The following WDR27 variants were observed in gnomAD, a reference collection of about 807,000 sequenced individuals.
The protein encoded by WDR27 is WD repeat-containing protein 27.
Under a neutral mutation model 114.4 loss-of-function variants are expected in WDR27, and 100 were observed. The ratio of observed to expected loss-of-function variants is 0.87; its 90% CI spans 0.74 to 1.03. WDR27 has a LOEUF of 1.03. WDR27 is among the 50% of genes least tolerant of loss of function. The pLI, the probability that WDR27 is intolerant of heterozygous loss-of-function variation, is 0.00. For missense variants in WDR27, 1,129 were observed against 1,092.9 expected, an observed-to-expected ratio of 1.03 and a Z score of -0.47; for synonymous variants, 449 against 423.1, an observed-to-expected ratio of 1.06 and a Z score of -0.75.
intron 25 of WDR27, among the ~76,000 whole-genome samples, chr6:169,460,867 A>G (rs1234403808): frequency 6.6e-6 from 1 of 152,198 alleles, no homozygotes; most frequent in Non-Finnish European, 1.5e-5. Flanking sequence ...AAATCCACAT[A>G]CAAGCAGACC....
At chr6:169,427,838 C>T in the WDR27 span, among the ~76,000 whole-genome samples, 1 of 149,478 alleles carries the variant, frequency 6.7e-6, no homozygotes, top group Non-Finnish European at 1.5e-5. Context: ...CATTTCCAGG[C>T]GAATTCCCTG....
intron 25 of WDR27, among the ~76,000 whole-genome samples, chr6:169,523,939 CA>C (rs1794680063): frequency 6.6e-6 from 1 of 151,998 alleles, no homozygotes; most frequent in Admixed American, 6.6e-5. Context: ...AAGCCCTGGC[CA>C]GAGCAATTAG....
chr6:169,563,124 C>T (rs2128117226), intron 25 of WDR27, among the ~76,000 whole-genome samples: 1 of 152,206 alleles, frequency 6.6e-6, no homozygotes, highest in Middle Eastern at 3.4e-3. Context: ...GACAGCGGAC[C>T]CCAGAGAAAC....
chr6:169,468,179 A>C (rs1785858294), intron 25 of WDR27, among the ~76,000 whole-genome samples: 1 of 152,206 alleles, frequency 6.6e-6, no homozygotes, highest in Non-Finnish European at 1.5e-5. Context: ...TTCATTGTCC[A>C]TCATTGTCCA....
intron 25 of WDR27, among the ~76,000 whole-genome samples, chr6:169,516,041 C>G (rs1793589408): frequency 6.6e-6 from 1 of 151,978 alleles, no homozygotes; most frequent in South Asian, 2.1e-4. Flanking sequence ...ACAAAAATAG[C>G]TAAGAGGAGA....
chr6:169,537,175 C>T lies in WDR27; in HGVS notation c.2645+35244G>A, dbSNP rs150402763. 3.2e-4 allele frequency among the ~76,000 whole-genome samples: 49 copies of T among 152,236 alleles called. No homozygotes were observed. In the East Asian group the frequency reaches 9.5e-3, roughly 29 times the overall value. On this transcript the variant is annotated intron_variant, in intron 25 of 25. Transcript: ENST00000448612. Reference sequence around the variant, plus strand: ...TTCCTAGTGGTTGAGAGGGAGGAATCGCAGGCCAGCTGCCTCCCAGACATT... The same window carrying T: ...TTCCTAGTGGTTGAGAGGGAGGAATTGCAGGCCAGCTGCCTCCCAGACATT...
chr6:169,659,321 CCT>C lies in WDR27; in HGVS notation c.1198-116_1198-115del. On this transcript the variant is annotated intron_variant, in intron 11 of 25. Coordinates refer to ENST00000448612, the MANE Select transcript of WDR27 (RefSeq NM_182552.5). The surrounding 1 kb of genome is among the most constrained non-coding windows in gnomAD (Gnocchi z 4.3). Reference sequence around the variant, plus strand: ...TTCATTCTCATAGCAGCGACATCGCCCTGTCACTCCTAAAACGTTTTTACACA... The same window carrying C: ...TTCATTCTCATAGCAGCGACATCGCCGTCACTCCTAAAACGTTTTTACACA... 1 of 1,558,696 alleles carries C rather than the reference CCT, an allele frequency of 6.4e-7. No homozygotes were observed. Among genetic ancestry groups the C allele is most frequent in the Non-Finnish European group, 8.7e-7 (1 of 1,145,482 alleles).
the WDR27 span, among the ~76,000 whole-genome samples, chr6:169,449,427 G>A: frequency 6.6e-6 from 1 of 152,208 alleles, no homozygotes; most frequent in African/African-American, 2.4e-5. Context: ...AACGAGTGGT[G>A]TTTTCTTTCA....
chr6:169,605,331 C>T (rs1808918563), intron 22 of WDR27, among the ~76,000 whole-genome samples: 1 of 151,564 alleles, frequency 6.6e-6, no homozygotes, highest in South Asian at 2.1e-4. Context: ...AATGATTTAG[C>T]TGAGAACCAG....
intron 25 of WDR27, among the ~76,000 whole-genome samples, chr6:169,509,988 T>C (rs1792588644): frequency 1.3e-5 from 2 of 152,284 alleles, no homozygotes; most frequent in South Asian, 4.1e-4. Context: ...ACAGATACTT[T>C]TCAAAAGAAG....
chr6:169,663,097 G>C (rs1037378409), intron 8 of WDR27, among the ~76,000 whole-genome samples: 1 of 152,228 alleles, frequency 6.6e-6, no homozygotes, highest in East Asian at 1.9e-4. Flanking sequence ...AAAGCACTAA[G>C]GTAACACCCA....
At chr6:169,628,874 G>T (rs922288990) in intron 21 of WDR27, among the ~76,000 whole-genome samples, 1 of 152,106 alleles carries the variant, frequency 6.6e-6, no homozygotes, top group Non-Finnish European at 1.5e-5. Flanking sequence ...AGAACTGTGT[G>T]AGAGTAGTTG....
At chr6:169,692,241 C>A (rs1283937569) in intron 1 of WDR27, among the ~76,000 whole-genome samples, 1 of 152,216 alleles carries the variant, frequency 6.6e-6, no homozygotes, top group Non-Finnish European at 1.5e-5. Flanking sequence ...GGGAAGCCAT[C>A]CCTGACTGTA....
At chr6:169,650,012 T>A (rs1584899067) in intron 14 of WDR27, among the ~76,000 whole-genome samples, 2 of 103,630 alleles carry the variant, frequency 1.9e-5, no homozygotes, top group African/African-American at 3.9e-5. Flanking sequence ...CTATTCCCCC[T>A]CCATCCATCC....
At chr6:169,618,673 G>A (rs1812460506) in intron 21 of WDR27, among the ~76,000 whole-genome samples, 1 of 144,770 alleles carries the variant, frequency 6.9e-6, no homozygotes, top group African/African-American at 2.5e-5. Context: ...TGACTAATGT[G>A]GCTGAGGTGG....
At chr6:169,479,742 C>A (rs1218306152) in intron 25 of WDR27, among the ~76,000 whole-genome samples, 2 of 152,212 alleles carry the variant, frequency 1.3e-5, no homozygotes, top group African/African-American at 4.8e-5. Flanking sequence ...CTTCAGGTTA[C>A]AAGTGCAGGT....
intron 14 of WDR27, among the ~76,000 whole-genome samples, chr6:169,650,256 C>G (rs1421005500): frequency 2.7e-5 from 4 of 148,178 alleles, no homozygotes; most frequent in African/African-American, 1.0e-4. Flanking sequence ...CTGCATCCCC[C>G]CATCCCCTCC....
intron 13 of WDR27, 52 bp from the exon 14 acceptor site, chr6:169,652,060 A>C: frequency 1.1e-4 from 158 of 1,495,808 alleles, no homozygotes; most frequent in Middle Eastern, 1.7e-4. Flanking sequence ...TTAGCATCTC[A>C]TGATGGACAT....
chr6:169,554,901 T>C (rs776473176), intron 25 of WDR27, among the ~76,000 whole-genome samples: 8 of 152,214 alleles, frequency 5.3e-5, no homozygotes, highest in Non-Finnish European at 1.0e-4. Context: ...TAGATGTATA[T>C]TTTTGCCTCC....
Sources: gnomAD v4.1 joint callset for allele counts (sites outside exome capture counted in the v4.1 genomes callset) on GRCh38, gnomAD v4.1.1 for gene constraint, Gnocchi (gnomAD v3.1) non-coding constraint, MANE v1.5 for transcripts, NCBI Gene and HGNC (gene_info 2026-07-23, HGNC 2026-07-21) for gene names.